The following PYCR1 variants were observed in gnomAD, a reference collection of about 807,000 sequenced individuals.
The protein encoded by PYCR1 is pyrroline-5-carboxylate reductase 1, mitochondrial.
Under a neutral mutation model 22.9 loss-of-function variants are expected in PYCR1, and 19 were observed. The ratio of observed to expected loss-of-function variants is 0.83; its 90% CI spans 0.58 to 1.22. The LOEUF (loss-of-function observed/expected upper bound fraction) is 1.22, where lower values mean the gene tolerates loss of function less well. Ranked by LOEUF, PYCR1 falls within the 50% of genes most tolerant of loss-of-function variation. The pLI is 0.00. For synonymous variants in PYCR1, 175 were observed against 180.5 expected (o/e 0.97, Z 0.24); for missense variants, 429 against 431.3 (o/e 0.99, Z 0.05).
rs769341686 is a variant in PYCR1 at position 81,935,037 on chromosome 17, C to T, written c.429G>A (p.Val143=). The change falls in exon 4 of 7, where the codon GTG becomes GTA. Residue 143 remains valine, a synonymous_variant. Coordinates refer to ENST00000329875, the MANE Select transcript of PYCR1 (RefSeq NM_006907.4). The part of the protein sequence containing the change: ...TVYATGTHAQ[V]EDGRLMEQLL... ...GCTGCTCCATGAGCCTCCCGTCCTC[C>T]ACCTGGGCGTGCGTGCCTGTGGCAT... is the stretch of plus-strand genomic sequence containing the variant. 1 of 1,610,532 alleles carries T rather than the reference C, an allele frequency of 6.2e-7. No individual in the cohort carries two copies. The highest frequency in any genetic ancestry group is 1.3e-5 in the African/African-American group (1 of 74,902).
chr17:81,937,167 A>G lies in PYCR1; in HGVS notation c.-353T>C. The G allele has an allele frequency of 2.7e-6, 4 of 1,459,442 alleles. No individual in the cohort carries two copies. The South Asian group carries it at 5.5e-5, about 20-fold the overall frequency. The allele number at this position is 1,459,442 out of a possible 1,614,324, so 90.4% of individuals were successfully genotyped here. On this transcript the variant is annotated 5_prime_UTR_variant, in exon 1 of 7. Coordinates refer to ENST00000329875, the MANE Select transcript of PYCR1 (RefSeq NM_006907.4). ...CCCCGTCTGGGTTCCCACCCCGCCC[A>G]GAACTGGGCTACCGTCGCGCCCCAC...
chr17:81,932,555 G>T lies in PYCR1; in HGVS notation c.*659C>A, dbSNP rs2041016296. ...GGCAGACAGAAGTCAGGACACTGGG[G>T]GCTGGAAACCAACTTATAAAACTGA... is the stretch of plus-strand genomic sequence containing the variant. On this transcript the variant is annotated 3_prime_UTR_variant, in exon 7 of 7. Coordinates refer to ENST00000329875, the MANE Select transcript of PYCR1 (RefSeq NM_006907.4). 5.0e-6 allele frequency: 2 copies of T among 397,462 alleles called. No homozygotes were observed. Among genetic ancestry groups the T allele is most frequent in the East Asian group, 1.1e-4 (2 of 17,536 alleles). The allele number at this position is 397,462 out of a possible 1,614,324, so 24.6% of individuals were successfully genotyped here.
In PYCR1 at chr17:81,937,120, G is replaced by C; in HGVS notation, c.-306C>G. The C allele has an allele frequency of 1.4e-6, 2 of 1,431,018 alleles. No homozygotes were observed. The highest frequency in any genetic ancestry group is 2.9e-5 in the Admixed American group (1 of 34,914). The allele number at this position is 1,431,018 out of a possible 1,614,324, so 88.6% of individuals were successfully genotyped here. On this transcript the variant is annotated 5_prime_UTR_variant, in exon 1 of 7. Coordinates refer to ENST00000329875, the MANE Select transcript of PYCR1 (RefSeq NM_006907.4). ...GAAGGGGGAAAAGTACGGGGAGAGGGAGGGCCCGGCGCCTAGGGGTCCCCC... is the reference window on the plus strand; with the variant it reads ...GAAGGGGGAAAAGTACGGGGAGAGGCAGGGCCCGGCGCCTAGGGGTCCCCC...
rs1020643732 is a variant in PYCR1 at position 81,936,186 on chromosome 17, C to T, written c.75G>A (p.Leu25=). The T allele has an allele frequency of 6.2e-7, 1 of 1,613,636 alleles. No individual in the cohort carries two copies. Among genetic ancestry groups the T allele is most frequent in the Middle Eastern group, 1.6e-4 (1 of 6,062 alleles). The change falls in exon 2 of 7, where the codon TTG becomes TTA. Residue 25 remains leucine (L), a synonymous_variant. Coordinates refer to ENST00000329875, the MANE Select transcript of PYCR1 (RefSeq NM_006907.4). ...AGCTAGCCATTATCTTGTGGGCAGC[C>T]AAGACGCCTGAGGGGAGAAACAGTT... is the stretch of plus-strand genomic sequence containing the variant. ...LAKGFTAAGV[L]AAHKIMASSP...
chr17:81,935,118 C>G lies in PYCR1; in HGVS notation c.348G>C (p.Arg116Ser). 1 of 1,609,398 alleles carries G rather than the reference C, an allele frequency of 6.2e-7. No individual in the cohort carries two copies. The highest frequency in any genetic ancestry group is 2.2e-5 in the East Asian group (1 of 44,880). Residue 116 changes from arginine to serine, a missense_variant, in exon 4 of 7, where the codon AGG (arginine) becomes AGC (serine). Transcript: ENST00000329875. ...GAGTGTTGGTCATGCAGCGGATGAC[C>G]CTGGGGGCTGGCCGAAACGCTGACA... ...KKLSAFRPAP[R>S]VIRCMTNTPV... is the part of the protein sequence containing the mutation.
At position 81,937,016 on chromosome 17, in the gene PYCR1, C is replaced by T; in HGVS notation, c.-202G>A. 1 of 1,461,524 alleles carries T rather than the reference C, an allele frequency of 6.8e-7. No individual in the cohort carries two copies. Among genetic ancestry groups the T allele is most frequent in the Non-Finnish European group, 9.0e-7 (1 of 1,107,546 alleles). 90.5% of individuals were successfully genotyped at this position (1,461,524 alleles called of 1,614,324 possible). On this transcript the variant is annotated 5_prime_UTR_variant, in exon 1 of 7. Coordinates refer to ENST00000329875, the MANE Select transcript of PYCR1 (RefSeq NM_006907.4). The stretch of plus-strand genomic sequence containing the variant: ...CGTTAACTGCTTCGGGGCCCCCAGT[C>T]AGAGCGGCGGTGCCTGGCCTGCTGC...
Position 81,935,619 on chromosome 17 carries a change from G to A in PYCR1, c.139-103C>T, listed in dbSNP as rs2041166120. The A allele has an allele frequency of 4.1e-6, 4 of 979,890 alleles. No individual in the cohort carries two copies. In the South Asian group the frequency reaches 4.1e-5, roughly 10 times the overall value. 60.7% of individuals were successfully genotyped at this position (979,890 alleles called of 1,614,324 possible). A position where few individuals can be genotyped will look rare whatever the true frequency, so the allele number is the denominator to read the frequency against. On this transcript the variant is annotated intron_variant, in intron 2 of 6. Coordinates refer to ENST00000329875, the MANE Select transcript of PYCR1 (RefSeq NM_006907.4). ...AATGGCACAGAGAATGCTGGAGTTG[G>A]GGGTGGGCAGGGCTGGGGGCTCAGG...
intron 5 of PYCR1, 65 bp downstream of exon 5, chr17:81,934,588 C>A: frequency 6.5e-7 from 1 of 1,549,796 alleles, no homozygotes; most frequent in African/African-American, 1.4e-5. Flanking sequence ...CACTTGGCTC[C>A]TCCCAGTGAA....
chr17:81,936,447 G>A (rs1033399040), intron 1 of PYCR1, among the ~76,000 whole-genome samples: 6 of 152,072 alleles, frequency 3.9e-5, no homozygotes, highest in Admixed American at 1.3e-4. Context: ...GGATGGTCTC[G>A]ATCTCCTGAC....
intron 3 of PYCR1, 57 bp downstream of exon 3, chr17:81,935,280 T>C: frequency 6.2e-7 from 1 of 1,603,546 alleles, no homozygotes; most frequent in Middle Eastern, 2.2e-4. Flanking sequence ...ACTGAAGTAC[T>C]GAGGGCCCGG....
At position 81,934,649 on chromosome 17, in the gene PYCR1, T is replaced by A; in HGVS notation, c.633+4A>T. ...CCCACCAGAGGGTCAGGAAACACAC[T>A]GACCAGGAGGGCCTGGGCCCCGAGG... On this transcript the variant is annotated splice_donor_region_variant and intron_variant, in intron 5 of 6. Coordinates refer to ENST00000329875, the MANE Select transcript of PYCR1 (RefSeq NM_006907.4). 6.4e-7 allele frequency: 1 copy of A among 1,562,770 alleles called. No individual in the cohort carries two copies. Among genetic ancestry groups the A allele is most frequent in the African/African-American group, 1.4e-5 (1 of 73,674 alleles).
chr17:81,935,423 T>G lies in PYCR1; in HGVS notation c.232A>C (p.Ile78Leu). 1 of 1,613,656 alleles carries G rather than the reference T, an allele frequency of 6.2e-7. No individual in the cohort carries two copies. Among genetic ancestry groups the G allele is most frequent in the Non-Finnish European group, 8.5e-7 (1 of 1,179,974 alleles). Residue 78 changes from isoleucine to leucine, a missense_variant, in exon 3 of 7, where the codon ATC becomes CTC. Ile to Leu is a conservative substitution (Grantham distance 5). Coordinates refer to ENST00000329875, the MANE Select transcript of PYCR1 (RefSeq NM_006907.4). The part of the protein sequence containing the change: ...LAVKPHIIPF[I>L]LDEIGADIED... ...ATGTCGGCGCCTATTTCATCCAGGATGAAGGGGATGATGTGTGGCTTCACA... is the reference window on the plus strand; with the variant it reads ...ATGTCGGCGCCTATTTCATCCAGGAGGAAGGGGATGATGTGTGGCTTCACA...
chr17:81,934,882 C>T, intron 4 of PYCR1, 44 bp downstream of exon 4: 1 of 1,600,400 alleles, frequency 6.2e-7, no homozygotes, highest in Non-Finnish European at 8.5e-7. Context: ...GCCCGGTGGT[C>T]CCGGGAAGTG....
Position 81,936,144 on chromosome 17 carries a change from C to A in PYCR1, c.117G>T (p.Leu39=), listed in dbSNP as rs1263591366. Residue 39 remains leucine, a synonymous_variant, in exon 2 of 7, where the codon CTG becomes CTT. Coordinates refer to ENST00000329875, the MANE Select transcript of PYCR1 (RefSeq NM_006907.4). ...KIMASSPDMD[L]ATVSALRKMG... ...CTACCCTGAGAGCAGAAACTGTGGC[C>A]AGGTCCATGTCTGGGGAGCTAGCCA... The A allele has an allele frequency of 4.3e-6, 7 of 1,613,860 alleles. No homozygotes were observed. In the East Asian group the frequency reaches 1.6e-4, roughly 36 times the overall value.
chr17:81,936,366 C>T (rs1391568166), intron 1 of PYCR1, among the ~76,000 whole-genome samples, 173 bp from the exon 2 acceptor site: 1 of 152,268 alleles, frequency 6.6e-6, no homozygotes, highest in East Asian at 1.9e-4. Context: ...GCTGGGACTA[C>T]AGGCGCCCGC....
Position 81,935,226 on chromosome 17 carries a change from C to T in PYCR1, c.319-79G>A, listed in dbSNP as rs375367404. 12 of 1,566,930 alleles carry T rather than the reference C, an allele frequency of 7.7e-6. No individual in the cohort carries two copies. The African/African-American group carries it at 9.4e-5, about 12-fold the overall frequency. On this transcript the variant is annotated intron_variant, in intron 3 of 6. Coordinates refer to ENST00000329875, the MANE Select transcript of PYCR1 (RefSeq NM_006907.4). ...CTCACCCCACCAAGCAGTGCCCGAG[C>T]TCTCCCAGTGGGCCGGGACGCTGCA...
chr17:81,934,194 C>T (rs1419706886), intron 6 of PYCR1, 132 bp downstream of exon 6: 1 of 1,403,520 alleles, frequency 7.1e-7, no homozygotes, highest in South Asian at 1.2e-5. Flanking sequence ...TCGGGGCCCC[C>T]TGTGTCCTGC....
At chr17:81,934,244 C>T (rs569780031) in intron 6 of PYCR1, 82 bp downstream of exon 6, 18 of 1,564,034 alleles carry the variant, frequency 1.2e-5, no homozygotes, top group African/African-American at 8.1e-5. Context: ...CTGCTGAGTG[C>T]GTGAATGAGC....
Position 81,932,698 on chromosome 17 carries a change from G to C in PYCR1, c.*516C>G. The C allele has an allele frequency of 1.1e-6, 1 of 871,664 alleles. No homozygotes were observed. The highest frequency in any genetic ancestry group is 1.8e-6 in the Non-Finnish European group (1 of 569,056). 54.0% of individuals were successfully genotyped at this position (871,664 alleles called of 1,614,324 possible). A position where few individuals can be genotyped will look rare whatever the true frequency, so the allele number is the denominator to read the frequency against. ...TTCCCCAAATGTCCATGGGATCTGC[G>C]TGCTTGGCAGCCAAGAGGGGCTGTG... On this transcript the variant is annotated 3_prime_UTR_variant, in exon 7 of 7. Transcript: ENST00000329875.
Sources: allele counts gnomAD v4.1 joint callset (sites outside exome capture counted in the v4.1 genomes callset), GRCh38; gene constraint gnomAD v4.1.1; transcripts MANE v1.5; gene names NCBI Gene and HGNC (gene_info 2026-07-23, HGNC 2026-07-21).